Variants in YJU2B observed in about 807,000 individuals in gnomAD.
The protein encoded by YJU2B is YJU2 splicing factor homolog B.
YJU2B carries 18 observed loss-of-function variants against 38.0 expected under a neutral mutation model. That is an observed-to-expected ratio of 0.47 (90% CI 0.33 to 0.70). YJU2B has a LOEUF of 0.70. YJU2B is among the 30% of genes least tolerant of loss of function. The probability of loss-of-function intolerance (pLI) is 0.02; values close to 1 mark genes in which losing one functional copy is unlikely to be tolerated. For synonymous variants in YJU2B, 246 were observed against 225.4 expected (o/e 1.09, Z -0.82); for missense variants, 538 against 556.3 (o/e 0.97, Z 0.33).
chr19:13,754,781 C>T (rs1052247832), intron 3 of YJU2B, among the ~76,000 whole-genome samples: 1 of 152,120 alleles, frequency 6.6e-6, no homozygotes, highest in East Asian at 1.9e-4. Flanking sequence ...TTTATATAAT[C>T]TCATAGCCCT....
At chr19:13,754,966 C>G (rs981751074) in intron 3 of YJU2B, among the ~76,000 whole-genome samples, 14 of 152,034 alleles carry the variant, frequency 9.2e-5, no homozygotes, top group African/African-American at 3.4e-4. Context: ...AGGATTTAGC[C>G]TCTCTATGCC....
chr19:13,745,698 T>TATAG (rs1555699830), upstream of YJU2B, among the ~76,000 whole-genome samples: 95 of 126,884 alleles, frequency 7.5e-4, 1 homozygote, highest in African/African-American at 2.8e-3. Context: ...TAGATATAGA[T>TATAG]ATATAGATAT....
chr19:13,736,521 A>G (rs544488825), intron 2 of YJU2B, among the ~76,000 whole-genome samples: 1 of 151,504 alleles, frequency 6.6e-6, no homozygotes, highest in South Asian at 2.1e-4. Flanking sequence ...CGGCCTCCCA[A>G]AGTGCTGGGA....
At chr19:13,736,474 G>A (rs890485451) in intron 2 of YJU2B, among the ~76,000 whole-genome samples, 7 of 151,400 alleles carry the variant, frequency 4.6e-5, no homozygotes, top group African/African-American at 1.5e-4. Context: ...TGGCCAGGCT[G>A]GTCTTGAACT....
chr19:13,761,382 CA>C, intron 8 of YJU2B: 1 of 152,100 alleles, frequency 6.6e-6, no homozygotes, highest in Non-Finnish European at 1.5e-5. Context: ...ACTCTTGTCT[CA>C]AAAAAATATA....
Position 13,761,118 on chromosome 19 carries a change from A to G in YJU2B, c.574-1181A>G, listed in dbSNP as rs572158033. ...CTCTTGGCTGGGCGCGGTGGCTCAC[A>G]TCTGTAATCCCAGCACTTTGGGAGG... On this transcript the variant is annotated intron_variant, in intron 8 of 9. Coordinates refer to ENST00000221554, the MANE Select transcript of YJU2B (RefSeq NM_030818.4). Among the ~76,000 whole-genome samples, 607 of 152,102 alleles carry G rather than the reference A, an allele frequency of 4.0e-3. 8 individuals carry two copies. The highest frequency in any genetic ancestry group is 0.014 in the African/African-American group (589 of 41,538).
chr19:13,736,658 A>G (rs1972956028), intron 2 of YJU2B, among the ~76,000 whole-genome samples: 1 of 152,122 alleles, frequency 6.6e-6, no homozygotes, highest in African/African-American at 2.4e-5. Context: ...ACTGAGTGCT[A>G]CTACGTAGCT....
chr19:13,762,898 A>G lies in YJU2B; in HGVS notation c.1021A>G (p.Thr341Ala). ...MSPGDCPPETTETPKCSSPRG... is the reference protein window; with the variant it reads ...MSPGDCPPETAETPKCSSPRG... ...CCCCGGAGACTGTCCTCCGGAAACAACTGAGACCCCCAAGTGCAGCAGCCC... is the reference window on the plus strand; with the variant it reads ...CCCCGGAGACTGTCCTCCGGAAACAGCTGAGACCCCCAAGTGCAGCAGCCC... The change falls in exon 10 of 10, where the codon ACT (threonine) becomes GCT (alanine). Residue 341 changes from threonine to alanine, a missense_variant. Physicochemically the swap from Thr to Ala is moderately conservative, Grantham distance 58. Around this residue, in one of 2 missense-constraint regions of YJU2B, gnomAD observed 488 missense variants for 469.5 expected, o/e 1.04. Transcript: ENST00000221554. 2.5e-6 allele frequency: 4 copies of G among 1,611,710 alleles called. No individual in the cohort carries two copies. The highest frequency in any genetic ancestry group is 2.2e-5 in the East Asian group (1 of 44,858).
In YJU2B at chr19:13,759,141, C is replaced by T. The variant is rs1402633437; in HGVS notation, c.442C>T (p.Arg148Trp). The change falls in exon 8 of 10, where the codon CGG becomes TGG. Residue 148 changes from arginine (R) to tryptophan (W), a missense_variant. Arg to Trp is a moderately radical substitution (Grantham distance 101). Transcript: ENST00000221554. ...KQKLETDAMF[R>W]LEHGEADRST... is the part of the protein sequence containing the mutation. Reference sequence around the variant, plus strand: ...GAAGCTGGAGACGGACGCCATGTTCCGGCTGGAGCATGGCGAGGCCGACCG... The same window carrying T: ...GAAGCTGGAGACGGACGCCATGTTCTGGCTGGAGCATGGCGAGGCCGACCG... 6.8e-6 allele frequency: 11 copies of T among 1,613,582 alleles called. No homozygotes were observed. Among genetic ancestry groups the T allele is most frequent in the Admixed American group, 5.0e-5 (3 of 59,970 alleles).
In YJU2B at chr19:13,763,202, C is replaced by A; in HGVS notation, c.*134C>A. 1 of 661,992 alleles carries A rather than the reference C, an allele frequency of 1.5e-6. No homozygotes were observed. The highest frequency in any genetic ancestry group is 2.1e-5 in the South Asian group (1 of 47,458). The allele number at this position is 661,992 out of a possible 1,614,324, so 41.0% of individuals were successfully genotyped here. A position where few individuals can be genotyped will look rare whatever the true frequency, so the allele number is the denominator to read the frequency against. On this transcript the variant is annotated 3_prime_UTR_variant, in exon 10 of 10. Transcript: ENST00000221554. ...GATGCCGCATCCTCCCCAGACCGCG[C>A]CTTCCTGCAACCGTGGAGTTATTTA...
chr19:13,756,402 C>G, intron 4 of YJU2B, 123 bp downstream of exon 4: 2 of 734,996 alleles, frequency 2.7e-6, no homozygotes. Context: ...AGAAAGTCAC[C>G]GTATCAGTCA....
At chr19:13,754,190 T>TA in intron 2 of YJU2B, 99 bp from the exon 3 acceptor site, 1 of 924,768 alleles carries the variant, frequency 1.1e-6, no homozygotes, top group Non-Finnish European at 1.8e-6. Flanking sequence ...AATAGTAAAA[T>TA]AAAAAATCAG....
chr19:13,738,247 A>C (rs1341166331), intron 2 of YJU2B, among the ~76,000 whole-genome samples: 3 of 152,212 alleles, frequency 2.0e-5, no homozygotes, highest in Non-Finnish European at 2.9e-5. Flanking sequence ...GTGGATGAGC[A>C]GAAGAAGTGG....
chr19:13,739,783 G>C (rs1219123395), intron 2 of YJU2B, among the ~76,000 whole-genome samples: 1 of 152,110 alleles, frequency 6.6e-6, no homozygotes, highest in Non-Finnish European at 1.5e-5. Context: ...AGAACGTGCA[G>C]GTTTGTTACA....
At chr19:13,747,811 G>A (rs1373960028), upstream of YJU2B, 2 of 152,316 alleles carry the variant, frequency 1.3e-5, no homozygotes, top group African/African-American at 2.4e-5. Flanking sequence ...TTGGCGTATC[G>A]TCCTTCAGCC....
intron 2 of YJU2B, among the ~76,000 whole-genome samples, chr19:13,740,810 C>T (rs1049339316): frequency 6.6e-6 from 1 of 152,172 alleles, no homozygotes; most frequent in African/African-American, 2.4e-5. Flanking sequence ...GCTGGGATTA[C>T]AGGCGTGAGC....
At chr19:13,746,763 C>A, upstream of YJU2B, among the ~76,000 whole-genome samples, 1 of 152,028 alleles carries the variant, frequency 6.6e-6, no homozygotes, top group Non-Finnish European at 1.5e-5. Flanking sequence ...AAAAAATAGC[C>A]GGGCGTGGTG....
At chr19:13,751,920 G>C (rs540908000) in intron 2 of YJU2B, 109 bp downstream of exon 2, 2 of 1,086,216 alleles carry the variant, frequency 1.8e-6, no homozygotes, top group Admixed American at 1.8e-5. Context: ...TTCAATCTCC[G>C]GGTCATCATC....
chr19:13,750,875 A>G (rs901471830), intron 1 of YJU2B, among the ~76,000 whole-genome samples: 1 of 151,176 alleles, frequency 6.6e-6, no homozygotes, highest in African/African-American at 2.4e-5. Context: ...AAAAAAAAAA[A>G]AAAAAGCCTG....
Sources: gnomAD v4.1 joint callset for allele counts (sites outside exome capture counted in the v4.1 genomes callset) on GRCh38, gnomAD v4.1.1 for gene constraint, gnomAD v4.1.1 regional missense constraint, MANE v1.5 for transcripts, NCBI Gene and HGNC (gene_info 2026-07-23, HGNC 2026-07-21) for gene names.